Variants in SMYD3 observed in about 807,000 individuals in gnomAD.
SMYD3 encodes the protein SET and MYND domain containing 3, also known as histone-lysine N-methyltransferase SMYD3.
SMYD3 carries 36 observed loss-of-function variants against 57.7 expected under a neutral mutation model. The observed-to-expected ratio is 0.62, with a 90% CI of 0.48 to 0.82. The LOEUF (loss-of-function observed/expected upper bound fraction) is 0.82. SMYD3 is among the 40% of genes least tolerant of loss of function. The pLI, the probability that SMYD3 is intolerant of heterozygous loss-of-function variation, is 0.00. For synonymous variants in SMYD3, 211 were observed against 195.0 expected, an observed-to-expected ratio of 1.08 and a Z score of -0.68; for missense variants, 515 against 538.8, an observed-to-expected ratio of 0.96 and a Z score of 0.44.
chr1:246,156,022 C>T (rs3845514), intron 5 of SMYD3, among the ~76,000 whole-genome samples: 27,022 of 151,448 alleles, frequency 0.18, 3,327 homozygotes, highest in African/African-American at 0.32. Flanking sequence ...CTAAGAATCA[C>T]ATTTATCTTG....
At chr1:246,494,834 T>A (rs1168674984) in intron 1 of SMYD3, among the ~76,000 whole-genome samples, 3 of 152,318 alleles carry the variant, frequency 2.0e-5, no homozygotes, top group Non-Finnish European at 4.4e-5. Flanking sequence ...TGACAATTAT[T>A]TAAATGTAAA....
At chr1:246,451,723 T>C (rs1264648737) in intron 1 of SMYD3, among the ~76,000 whole-genome samples, 3 of 152,246 alleles carry the variant, frequency 2.0e-5, no homozygotes, top group African/African-American at 7.2e-5. Context: ...AGGCTGTGCA[T>C]GTGTAGAGGA....
chr1:246,101,375 C>T (rs2147936348), intron 5 of SMYD3, among the ~76,000 whole-genome samples: 1 of 152,224 alleles, frequency 6.6e-6, no homozygotes, highest in South Asian at 2.1e-4. Flanking sequence ...CCCAGACTCG[C>T]CCGTTTATCT....
intron 5 of SMYD3, among the ~76,000 whole-genome samples, chr1:246,063,277 C>T (rs764628451): frequency 2.6e-5 from 4 of 152,130 alleles, no homozygotes; most frequent in Admixed American, 6.5e-5. Flanking sequence ...GCTGTGATAA[C>T]GTGAGAAATG....
intron 5 of SMYD3, among the ~76,000 whole-genome samples, chr1:245,953,674 C>T (rs1400131392): frequency 1.3e-5 from 2 of 152,268 alleles, no homozygotes; most frequent in African/African-American, 4.8e-5. Flanking sequence ...CAGCCTTGTC[C>T]TCCCAAAGTG....
intron 10 of SMYD3, among the ~76,000 whole-genome samples, chr1:245,766,130 C>T (rs2817503): frequency 0.35 from 52,620 of 151,462 alleles, 13,502 homozygotes; most frequent in African/African-American, 0.72. Flanking sequence ...AGGGGCTGGG[C>T]GCGGCGGCTC....
intron 1 of SMYD3, among the ~76,000 whole-genome samples, chr1:246,506,303 CCAGG>C (rs1309627358): frequency 1.1e-4 from 16 of 152,318 alleles, no homozygotes; most frequent in East Asian, 3.9e-4. Context: ...CACAGCGCGT[CCAGG>C]CTTCCAAAAC....
At chr1:246,435,413 A>C (rs539121714) in intron 1 of SMYD3, among the ~76,000 whole-genome samples, 3 of 152,154 alleles carry the variant, frequency 2.0e-5, no homozygotes, top group South Asian at 2.1e-4. Context: ...CACGGATTTC[A>C]TAAGTTAACT....
intron 2 of SMYD3, among the ~76,000 whole-genome samples, chr1:246,342,380 T>A (rs976913741): frequency 6.6e-6 from 1 of 152,168 alleles, no homozygotes; most frequent in Non-Finnish European, 1.5e-5. Flanking sequence ...AGTTTTCCAT[T>A]TACATCCAGT....
chr1:246,450,869 T>C (rs1197676435), intron 1 of SMYD3, among the ~76,000 whole-genome samples: 4 of 152,234 alleles, frequency 2.6e-5, no homozygotes, highest in Non-Finnish European at 5.9e-5. Context: ...TTTTAATCAT[T>C]ATGAAGTGAA....
At chr1:246,089,084 C>T (rs995298940) in intron 5 of SMYD3, among the ~76,000 whole-genome samples, 4 of 151,986 alleles carry the variant, frequency 2.6e-5, no homozygotes, top group Non-Finnish European at 5.9e-5. Flanking sequence ...TTCAAGAGAT[C>T]CTCCTACCTC....
At chr1:246,432,535 T>G (rs960028560) in intron 1 of SMYD3, among the ~76,000 whole-genome samples, 2 of 152,226 alleles carry the variant, frequency 1.3e-5, no homozygotes, top group African/African-American at 4.8e-5. Context: ...CAGCAGGAGA[T>G]TCTCTTTAAT....
intron 1 of SMYD3, among the ~76,000 whole-genome samples, chr1:246,453,094 C>T (rs1360523207): frequency 6.6e-6 from 1 of 152,180 alleles, no homozygotes; most frequent in Non-Finnish European, 1.5e-5. Flanking sequence ...TCATTTAATT[C>T]ATATAATCGT....
chr1:245,930,269 A>G, intron 5 of SMYD3: 1 of 388,388 alleles, frequency 2.6e-6, no homozygotes, highest in South Asian at 2.1e-5. Context: ...AATCCAGAAT[A>G]TGAATAAGCT....
intron 10 of SMYD3, among the ~76,000 whole-genome samples, chr1:245,805,624 AG>A (rs1265413625): frequency 6.6e-6 from 1 of 152,238 alleles, no homozygotes; most frequent in African/African-American, 2.4e-5. Context: ...GGCACAGGAA[AG>A]GGATAGGTTG....
At chr1:245,920,408 T>C (rs1033906481) in intron 7 of SMYD3, among the ~76,000 whole-genome samples, 7 of 152,170 alleles carry the variant, frequency 4.6e-5, no homozygotes, top group Admixed American at 3.9e-4. Context: ...AATGTTTCTG[T>C]TAATACTGGC....
At chr1:246,045,369 G>C (rs1361647878) in intron 5 of SMYD3, among the ~76,000 whole-genome samples, 2 of 152,024 alleles carry the variant, frequency 1.3e-5, no homozygotes, top group African/African-American at 4.8e-5. Flanking sequence ...CTCACAAAAA[G>C]AAGAAATGGG....
At chr1:245,886,708 C>G (rs1326742506) in intron 8 of SMYD3, among the ~76,000 whole-genome samples, 2 of 152,274 alleles carry the variant, frequency 1.3e-5, no homozygotes, top group East Asian at 3.9e-4. Flanking sequence ...GAAAACCATG[C>G]TAATTTCCTT....
At position 246,415,452 on chromosome 1, in the gene SMYD3, A is replaced by G. The variant is rs1406614922; in HGVS notation, c.165-60358T>C. 2.0e-5 allele frequency among the ~76,000 whole-genome samples: 3 copies of G among 152,210 alleles called. No individual in the cohort carries two copies. In the East Asian group the frequency reaches 5.8e-4, roughly 29 times the overall value. On this transcript the variant is annotated intron_variant, in intron 1 of 11. Transcript: ENST00000490107. ...TATTTTTAATCCTCACAACAATCCC[A>G]TTATTAGTCCATGTACTAACAAGGA... is the stretch of plus-strand genomic sequence containing the variant.
Sources: allele counts gnomAD v4.1 joint callset (sites outside exome capture counted in the v4.1 genomes callset), GRCh38; gene constraint gnomAD v4.1.1; transcripts MANE v1.5; gene names NCBI Gene and HGNC (gene_info 2026-07-23, HGNC 2026-07-21).